Variants in HS6ST1 observed in about 807,000 individuals in gnomAD.
HS6ST1 encodes heparan sulfate 6-O-sulfotransferase 1, also known as heparan-sulfate 6-O-sulfotransferase 1.
In HS6ST1, 3 loss-of-function variants were observed where a neutral mutation model predicts 25.2. The ratio of observed to expected loss-of-function variants is 0.12; its 90% confidence interval spans 0.05 to 0.31. The LOEUF is 0.31. Ranked by LOEUF, HS6ST1 falls within the 10% of genes least tolerant of loss-of-function variation. The pLI, the probability that HS6ST1 is intolerant of heterozygous loss-of-function variation, is 1.00. For synonymous variants in HS6ST1, 204 were observed against 275.1 expected (o/e 0.74, Z 2.56); for missense variants, 310 against 609.6 (o/e 0.51, Z 5.18).
intron 1 of HS6ST1, among the ~76,000 whole-genome samples, chr2:128,308,962 G>C (rs928227064): frequency 6.6e-6 from 1 of 152,198 alleles, no homozygotes; most frequent in African/African-American, 2.4e-5. Context: ...GTGGAACTGT[G>C]GGTATAATTC....
chr2:128,280,739 G>A (rs905455835), intron 1 of HS6ST1, among the ~76,000 whole-genome samples: 2 of 152,050 alleles, frequency 1.3e-5, no homozygotes, highest in African/African-American at 4.8e-5. Flanking sequence ...AACATACCCA[G>A]GTCTGGAGAG....
rs1693502698 is a variant in HS6ST1, at chr2:128,265,846, G to A, written c.*2316C>T. The A allele has an allele frequency of 6.6e-6, 1 of 152,208 alleles. No homozygotes were observed. Among genetic ancestry groups the A allele is most frequent in the African/African-American group, 2.4e-5 (1 of 41,450 alleles). The allele number at this position is 152,208 out of a possible 1,614,324, so 9.4% of individuals were successfully genotyped here. On this transcript the variant is annotated 3_prime_UTR_variant, in exon 2 of 2. Transcript: ENST00000259241. ...CCCTGGGAGGGCCCCGGTGGACAGAGTCCTTACAATTTAGGAGATGCTGCT... is the reference window on the plus strand; with the variant it reads ...CCCTGGGAGGGCCCCGGTGGACAGAATCCTTACAATTTAGGAGATGCTGCT...
chr2:128,284,501 C>CTTTTTTTTT (rs1693832484), intron 1 of HS6ST1, among the ~76,000 whole-genome samples: 1 of 56,282 alleles, frequency 1.8e-5, no homozygotes, highest in Non-Finnish European at 3.6e-5. Context: ...TGACATCGTC[C>CTTTTTTTTT]CTCTTTTTTT....
chr2:128,278,364 T>C (rs1256099040), intron 1 of HS6ST1, among the ~76,000 whole-genome samples: 1 of 152,226 alleles, frequency 6.6e-6, no homozygotes, highest in Non-Finnish European at 1.5e-5. Context: ...AAATGAGACT[T>C]CAAACCTGGT....
intron 1 of HS6ST1, among the ~76,000 whole-genome samples, chr2:128,290,369 C>G (rs558004644): frequency 1.3e-5 from 2 of 152,098 alleles, no homozygotes; most frequent in African/African-American, 4.8e-5. Flanking sequence ...ATCCTAATAC[C>G]GAAGTTGGAC....
intron 1 of HS6ST1, among the ~76,000 whole-genome samples, chr2:128,314,574 G>A (rs192339025): frequency 1.1e-4 from 17 of 152,310 alleles, no homozygotes; most frequent in African/African-American, 2.9e-4. Flanking sequence ...CCAGGTGGAC[G>A]GCACACAGGT....
chr2:128,317,415 C>A (rs550697034), intron 1 of HS6ST1, among the ~76,000 whole-genome samples: 3 of 152,234 alleles, frequency 2.0e-5, no homozygotes, highest in Admixed American at 2.0e-4. Flanking sequence ...ATTCGGCTGG[C>A]AGGCCCCACT....
intron 1 of HS6ST1, among the ~76,000 whole-genome samples, chr2:128,303,910 G>A (rs1404501154): frequency 6.6e-6 from 1 of 152,250 alleles, no homozygotes; most frequent in Non-Finnish European, 1.5e-5. Context: ...TCCAGCGTGA[G>A]CAGAGATCTT....
intron 1 of HS6ST1, among the ~76,000 whole-genome samples, chr2:128,281,921 TAA>T (rs1693796040): frequency 6.6e-6 from 1 of 152,228 alleles, no homozygotes; most frequent in Non-Finnish European, 1.5e-5. Context: ...AGAGGTTCAA[TAA>T]CTAGCCCAGG....
chr2:128,271,404 G>C (rs1188002660), intron 1 of HS6ST1, among the ~76,000 whole-genome samples: 1 of 152,200 alleles, frequency 6.6e-6, no homozygotes, highest in African/African-American at 2.4e-5. Flanking sequence ...TCGGTGGAAG[G>C]GCTGCTTCTG....
chr2:128,281,528 C>T (rs1018753998), intron 1 of HS6ST1, among the ~76,000 whole-genome samples: 5 of 152,166 alleles, frequency 3.3e-5, no homozygotes, highest in African/African-American at 1.2e-4. Flanking sequence ...CGGATGTGAC[C>T]GCGGAGCACC....
intron 1 of HS6ST1, among the ~76,000 whole-genome samples, chr2:128,308,154 G>C (rs573685991): frequency 6.6e-6 from 1 of 152,258 alleles, no homozygotes. Context: ...ACAAGGGCAG[G>C]AAACATGTGA....
At chr2:128,299,926 G>C (rs575886470) in intron 1 of HS6ST1, among the ~76,000 whole-genome samples, 24 of 152,308 alleles carry the variant, frequency 1.6e-4, no homozygotes, top group African/African-American at 5.5e-4. Flanking sequence ...CAGCAAGGCA[G>C]GGTGGCTCTG....
intron 1 of HS6ST1, among the ~76,000 whole-genome samples, chr2:128,316,311 C>A (rs552834805): frequency 6.6e-6 from 1 of 152,386 alleles, no homozygotes; most frequent in East Asian, 1.9e-4. Flanking sequence ...CTTGGCGGCC[C>A]GAAGCTTCCA....
At chr2:128,299,058 G>A (rs537714489) in intron 1 of HS6ST1, among the ~76,000 whole-genome samples, 6 of 152,294 alleles carry the variant, frequency 3.9e-5, no homozygotes, top group African/African-American at 4.8e-5. Flanking sequence ...CACCAGAATC[G>A]GCCTCAGATG....
In HS6ST1 at chr2:128,268,442, T is replaced by C; in HGVS notation, c.956A>G (p.Tyr319Cys). 2.5e-6 allele frequency: 4 copies of C among 1,613,632 alleles called. No homozygotes were observed. The highest frequency in any genetic ancestry group is 3.4e-6 in the Non-Finnish European group (4 of 1,179,862). Residue 319 changes from tyrosine (Y) to cysteine (C), a missense_variant, in exon 2 of 2, where the codon TAC becomes TGC. Tyr to Cys is a radical substitution (Grantham distance 194, BLOSUM62 -2). Transcript: ENST00000259241. The stretch of plus-strand genomic sequence containing the variant: ...CACGCCGCCCGCCCGCGTGCTATTG[T>C]ACTGCATGAAGGGCCGGATGAACTT... ...NLKFIRPFMQ[Y>C]NSTRAGGVEV...
At chr2:128,279,116 T>A (rs1693740616) in intron 1 of HS6ST1, among the ~76,000 whole-genome samples, 1 of 126,674 alleles carries the variant, frequency 7.9e-6, no homozygotes, top group African/African-American at 3.4e-5. Context: ...TTGCACTGCA[T>A]TTGTCCAGGG....
At chr2:128,288,041 A>T (rs1336392193) in intron 1 of HS6ST1, among the ~76,000 whole-genome samples, 1 of 152,140 alleles carries the variant, frequency 6.6e-6, no homozygotes, top group Middle Eastern at 3.2e-3. Context: ...CTGCTTCTTC[A>T]CAGGGCACGC....
At chr2:128,311,689 T>C (rs752327167) in intron 1 of HS6ST1, among the ~76,000 whole-genome samples, 1 of 152,206 alleles carries the variant, frequency 6.6e-6, no homozygotes, top group Non-Finnish European at 1.5e-5. Context: ...GGGAGACTCC[T>C]GGGTTTCCCA....
Sources: gnomAD v4.1 joint callset for allele counts (sites outside exome capture counted in the v4.1 genomes callset) on GRCh38, gnomAD v4.1.1 for gene constraint, MANE v1.5 for transcripts, NCBI Gene and HGNC (gene_info 2026-07-23, HGNC 2026-07-21) for gene names.